The following PCDHGA9 variants were observed in gnomAD, a reference collection of about 807,000 sequenced individuals.
The protein encoded by PCDHGA9 is protocadherin gamma subfamily A, 9.
PCDHGA9 carries 37 observed loss-of-function variants against 62.5 expected under a neutral mutation model. That is an observed-to-expected ratio of 0.59 (90% CI 0.46 to 0.78). The LOEUF is 0.78. PCDHGA9 is among the 30% of genes least tolerant of loss of function. The pLI, the probability that PCDHGA9 is intolerant of heterozygous loss-of-function variation, is 0.00. For synonymous variants in PCDHGA9, 459 were observed against 484.6 expected, an observed-to-expected ratio of 0.95 and a Z score of 0.69; for missense variants, 1,138 against 1,166.2, an observed-to-expected ratio of 0.98 and a Z score of 0.35.
At position 141,485,049 on chromosome 5, in the gene PCDHGA9, G is replaced by A; in HGVS notation, c.2425-9758G>A. The A allele has an allele frequency of 1.3e-6, 1 of 780,438 alleles. No individual in the cohort carries two copies. 48.3% of individuals were successfully genotyped at this position (780,438 alleles called of 1,614,324 possible). ...AACGGCGCGTAACCCTTGCGGCGCC[G>A]GCCGAACCGCGCCAGAGCTGGCGCG... On this transcript the variant is annotated intron_variant, in intron 1 of 3. Coordinates refer to ENST00000573521, the MANE Select transcript of PCDHGA9 (RefSeq NM_018921.3). This position sits in a 1 kb window ranked among gnomAD's most constrained non-coding sequence, Gnocchi z 5.7.
intron 1 of PCDHGA9, among the ~76,000 whole-genome samples, chr5:141,455,998 T>C (rs1301217416): frequency 2.6e-5 from 4 of 151,692 alleles, no homozygotes; most frequent in Non-Finnish European, 4.4e-5. Flanking sequence ...CTCGGGTTCA[T>C]GCCATTCTCC....
intron 1 of PCDHGA9, chr5:141,418,251 C>G: frequency 6.2e-7 from 1 of 1,614,058 alleles, no homozygotes; most frequent in Non-Finnish European, 8.5e-7. Context: ...GACCACGCCC[C>G]TCAATTCCGG....
intron 1 of PCDHGA9, chr5:141,410,140 G>C: frequency 6.2e-7 from 1 of 1,612,782 alleles, no homozygotes; most frequent in Non-Finnish European, 8.5e-7. Context: ...TGGTCGCTGT[G>C]CGTGACGGTG....
intron 1 of PCDHGA9, chr5:141,422,091 G>C: frequency 6.2e-7 from 1 of 1,611,830 alleles, no homozygotes. Context: ...TGGAAAGCAA[G>C]GCTTCTGAAA....
Position 141,422,492 on chromosome 5 carries a change from C to T in PCDHGA9, c.2424+17116C>T, listed in dbSNP as rs747903569. 2.5e-6 allele frequency: 4 copies of T among 1,613,934 alleles called. No homozygotes were observed. The East Asian group carries it at 6.7e-5, about 27-fold the overall frequency. ...GAGTTGGTCCAGAGCTACAATATAA[C>T]GTTGACAGCCACAGACCAGGGAAGC... On this transcript the variant is annotated intron_variant, in intron 1 of 3. Coordinates refer to ENST00000573521, the MANE Select transcript of PCDHGA9 (RefSeq NM_018921.3).
intron 1 of PCDHGA9, among the ~76,000 whole-genome samples, chr5:141,472,935 A>G (rs1593400204): frequency 6.6e-6 from 1 of 150,778 alleles, no homozygotes; most frequent in East Asian, 1.9e-4. Context: ...GTGGTGAGCC[A>G]AGATTATGCC....
intron 1 of PCDHGA9, chr5:141,423,750 TGGGGG>T: frequency 5.2e-5 from 15 of 287,416 alleles, no homozygotes; most frequent in Non-Finnish European, 6.3e-5. Context: ...GAAAACTGTT[TGGGGG>T]GGGGGTGGGG....
At chr5:141,415,304 C>T (rs1468756434) in intron 1 of PCDHGA9, 2 of 1,614,188 alleles carry the variant, frequency 1.2e-6, no homozygotes, top group Non-Finnish European at 8.5e-7. Context: ...GTCTTCCTGG[C>T]CTTCGTCATC....
At chr5:141,422,458 C>T (rs375149811) in intron 1 of PCDHGA9, 264 of 1,613,148 alleles carry the variant, frequency 1.6e-4, no homozygotes, top group Non-Finnish European at 2.1e-4. Context: ...AAGCAGAGTG[C>T]TGGACAGGGA....
At chr5:141,433,995 C>G (rs995723859) in intron 1 of PCDHGA9, among the ~76,000 whole-genome samples, 1 of 152,028 alleles carries the variant, frequency 6.6e-6, no homozygotes, top group Non-Finnish European at 1.5e-5. Context: ...GTTTTATATT[C>G]TCTATATATG....
At chr5:141,506,969 A>G (rs923725359) in intron 3 of PCDHGA9, 7 of 152,208 alleles carry the variant, frequency 4.6e-5, no homozygotes, top group Non-Finnish European at 8.8e-5. Flanking sequence ...ATAGCTCTGC[A>G]AGGCAGGTCT....
In PCDHGA9 at chr5:141,491,721, C is replaced by T. The variant is rs761584159; in HGVS notation, c.2425-3086C>T. On this transcript the variant is annotated intron_variant, in intron 1 of 3. Transcript: ENST00000573521. The surrounding 1 kb of genome is among the most constrained non-coding windows in gnomAD (Gnocchi z 6.9). The stretch of plus-strand genomic sequence containing the variant: ...GCCAGGTGAGGGGCTCGGCGCCGCC[C>T]CGGGCGACCCCTGGGGGCGGCACTG... 3 of 1,607,250 alleles carry T rather than the reference C, an allele frequency of 1.9e-6. No homozygotes were observed. Among genetic ancestry groups the T allele is most frequent in the Admixed American group, 1.7e-5 (1 of 58,860 alleles).
chr5:141,421,634 A>G (rs771759412), intron 1 of PCDHGA9: 12 of 1,613,714 alleles, frequency 7.4e-6, no homozygotes, highest in South Asian at 1.1e-5. Context: ...AGCTTCCAGG[A>G]GGACGAAGTG....
intron 1 of PCDHGA9, among the ~76,000 whole-genome samples, chr5:141,468,962 C>T (rs2099187487): frequency 6.7e-6 from 1 of 148,782 alleles, no homozygotes; most frequent in Non-Finnish European, 1.5e-5. Context: ...GTTTTTTTTA[C>T]CTTAGGCTTT....
At chr5:141,423,821 C>A (rs2096784513) in intron 1 of PCDHGA9, 1 of 1,272,728 alleles carries the variant, frequency 7.9e-7, no homozygotes, top group Admixed American at 3.9e-5. Context: ...TTTACTTTGC[C>A]TTTCATGAGA....
rs2099883574 is a variant in PCDHGA9, at chr5:141,511,027, C to T, written c.2653C>T (p.Leu885=). The change falls in exon 4 of 4, where the codon CTG becomes TTG. Residue 885 remains leucine (L), a synonymous_variant. Transcript: ENST00000573521. ...CGCCCGCTACGGACCCCAGTTCACCCTGCAGCACGTGCCCGACTACCGCCA... is the reference window on the plus strand; with the variant it reads ...CGCCCGCTACGGACCCCAGTTCACCTTGCAGCACGTGCCCGACTACCGCCA... The part of the protein sequence containing the change: ...LSARYGPQFT[L]QHVPDYRQNV... 2 of 1,614,230 alleles carry T rather than the reference C, an allele frequency of 1.2e-6. No individual in the cohort carries two copies. The highest frequency in any genetic ancestry group is 1.7e-6 in the Non-Finnish European group (2 of 1,180,034).
At chr5:141,405,775 G>A (rs2094716657) in intron 1 of PCDHGA9, among the ~76,000 whole-genome samples, 1 of 152,002 alleles carries the variant, frequency 6.6e-6, no homozygotes, top group African/African-American at 2.4e-5. Flanking sequence ...ACTGCGCCTG[G>A]CCCTTAACTT....
At chr5:141,410,430 A>G in intron 1 of PCDHGA9, 1 of 1,613,976 alleles carries the variant, frequency 6.2e-7, no homozygotes, top group Middle Eastern at 1.6e-4. Context: ...CCCCCCAACT[A>G]CAGTGAGGGG....
intron 1 of PCDHGA9, among the ~76,000 whole-genome samples, chr5:141,445,885 G>A (rs1171777990): frequency 1.3e-5 from 2 of 152,148 alleles, no homozygotes; most frequent in African/African-American, 4.8e-5. Flanking sequence ...CTTGTACTTA[G>A]GAGCTATTAA....
Sources: allele counts gnomAD v4.1 joint callset (sites outside exome capture counted in the v4.1 genomes callset), GRCh38; gene constraint gnomAD v4.1.1; non-coding constraint Gnocchi (gnomAD v3.1); transcripts MANE v1.5; gene names NCBI Gene and HGNC (gene_info 2026-07-23, HGNC 2026-07-21).